Variants in TACC2 observed in about 807,000 individuals in gnomAD.
TACC2 encodes transforming acidic coiled-coil containing protein 2, also known as transforming acidic coiled-coil-containing protein 2.
Under a neutral mutation model 227.3 loss-of-function variants are expected in TACC2, and 137 were observed. The ratio of observed to expected loss-of-function variants is 0.60; its 90% CI spans 0.52 to 0.69. TACC2 has a LOEUF of 0.69. Among genes scored for constraint, TACC2 ranks in the 30% least tolerant of loss-of-function variants. The probability of loss-of-function intolerance (pLI) is 0.00; values close to 1 mark genes in which losing one functional copy is unlikely to be tolerated. For missense variants in TACC2, 3,470 were observed against 3,694.4 expected (o/e 0.94, Z 1.57); for synonymous variants, 1,523 against 1,487.5 (o/e 1.02, Z -0.55).
chr10:122,029,741 G>A (rs61144349), intron 2 of TACC2, among the ~76,000 whole-genome samples: 21 of 152,152 alleles, frequency 1.4e-4, no homozygotes, highest in East Asian at 1.9e-4. Context: ...TCGGGTGAGC[G>A]CCCTCAATGT....
chr10:122,020,539 G>T (rs1333780271), intron 1 of TACC2, among the ~76,000 whole-genome samples: 1 of 152,142 alleles, frequency 6.6e-6, no homozygotes, highest in African/African-American at 2.4e-5. Flanking sequence ...CGCAATCAGT[G>T]TTGCTTAAAT....
At position 122,018,157 on chromosome 10, in the gene TACC2, G is replaced by A. The variant is rs548549349; in HGVS notation, c.-45-3780G>A. On this transcript the variant is annotated intron_variant, in intron 1 of 22. Coordinates refer to ENST00000369005, the MANE Select transcript of TACC2 (RefSeq NM_206862.4). ...CCCCCAACAGGCCCTGGTGTATGTT[G>A]TTCCCCTCTCTGTGTCCATGTGTTC... is the stretch of plus-strand genomic sequence containing the variant. 2.0e-3 allele frequency among the ~76,000 whole-genome samples: 302 copies of A among 152,054 alleles called. 1 individual carries two copies. The highest frequency in any genetic ancestry group is 7.1e-3 in the African/African-American group (293 of 41,482).
chr10:122,016,301 G>A (rs1446144062), intron 1 of TACC2, among the ~76,000 whole-genome samples: 72 of 149,998 alleles, frequency 4.8e-4, no homozygotes, highest in Admixed American at 4.0e-4. Flanking sequence ...AGGCGCGGTG[G>A]CTCATGCCTA....
intron 1 of TACC2, among the ~76,000 whole-genome samples, chr10:122,006,892 G>A (rs1221264824): frequency 1.3e-4 from 10 of 77,604 alleles, no homozygotes; most frequent in Admixed American, 1.5e-4. Context: ...ATGGAATTTT[G>A]CCCTTGTTGC....
At chr10:122,075,191 A>C (rs79244330) in intron 3 of TACC2, among the ~76,000 whole-genome samples, 1 of 33,852 alleles carries the variant, frequency 3.0e-5, no homozygotes, top group Non-Finnish European at 1.1e-4. Context: ...TTGCTGCCAA[A>C]AAAAAAAAAA....
At chr10:122,017,903 C>A (rs1591093564) in intron 1 of TACC2, among the ~76,000 whole-genome samples, 1 of 139,830 alleles carries the variant, frequency 7.2e-6, no homozygotes, top group Non-Finnish European at 1.5e-5. Context: ...AAGAGGCAAA[C>A]AGTCTTGTCT....
At chr10:122,243,372 A>G (rs1042446882) in intron 19 of TACC2, among the ~76,000 whole-genome samples, 1 of 152,178 alleles carries the variant, frequency 6.6e-6, no homozygotes, top group African/African-American at 2.4e-5. Context: ...ATATGGATGT[A>G]TGAGTCACAT....
chr10:122,180,636 C>A lies in TACC2; in HGVS notation c.5835-14404C>A, dbSNP rs1310555593. Among the ~76,000 whole-genome samples, 1 of 152,144 alleles carries A rather than the reference C, an allele frequency of 6.6e-6. No homozygotes were observed. Among genetic ancestry groups the A allele is most frequent in the Non-Finnish European group, 1.5e-5 (1 of 68,030 alleles). On this transcript the variant is annotated intron_variant, in intron 7 of 22. Coordinates refer to ENST00000369005, the MANE Select transcript of TACC2 (RefSeq NM_206862.4). This position sits in a 1 kb window ranked among gnomAD's most constrained non-coding sequence, Gnocchi z 4.5. ...TACAGGCATGAGCCACCGCACCCGG[C>A]CTCTTCCCTCGAGTTCTAATGACTG...
intron 5 of TACC2, among the ~76,000 whole-genome samples, chr10:122,090,371 C>A (rs1591874729): frequency 6.6e-6 from 1 of 151,364 alleles, no homozygotes. Context: ...ACGGTGAAAC[C>A]CCGTCTGTAC....
intron 7 of TACC2, chr10:122,163,424 A>T: frequency 6.6e-6 from 2 of 303,130 alleles, no homozygotes; most frequent in Non-Finnish European, 9.7e-6. Context: ...AAGCTACACA[A>T]TGCGGGCGGT....
intron 2 of TACC2, among the ~76,000 whole-genome samples, chr10:122,031,316 G>C (rs570977147): frequency 1.3e-5 from 2 of 151,962 alleles, no homozygotes; most frequent in East Asian, 3.9e-4. Flanking sequence ...CCAGTGTCCA[G>C]GGAGGTGCCC....
chr10:122,218,445 G>T (rs911629170), intron 11 of TACC2, among the ~76,000 whole-genome samples: 1 of 152,130 alleles, frequency 6.6e-6, no homozygotes, highest in East Asian at 1.9e-4. Context: ...TCTTCTGGAC[G>T]CTCTTCCACA....
At chr10:122,222,236 A>G (rs1303968789) in intron 11 of TACC2, among the ~76,000 whole-genome samples, 5 of 152,236 alleles carry the variant, frequency 3.3e-5, no homozygotes, top group African/African-American at 9.6e-5. Flanking sequence ...TAGGATTTGA[A>G]GCAGATGAGT....
intron 7 of TACC2, among the ~76,000 whole-genome samples, chr10:122,171,959 G>T (rs537087723): frequency 6.6e-6 from 1 of 152,294 alleles, no homozygotes; most frequent in South Asian, 2.1e-4. Flanking sequence ...TCCAAGGAAG[G>T]TGGGTGTTTA....
At chr10:122,161,343 G>A (rs1336448669) in intron 7 of TACC2, among the ~76,000 whole-genome samples, 2 of 152,204 alleles carry the variant, frequency 1.3e-5, no homozygotes, top group African/African-American at 4.8e-5. Flanking sequence ...GGGATTCTAC[G>A]TAAAAGCACT....
chr10:121,998,185 G>T (rs191236725), intron 1 of TACC2, among the ~76,000 whole-genome samples: 1 of 151,944 alleles, frequency 6.6e-6, no homozygotes, highest in South Asian at 2.1e-4. Context: ...GGTGGCAGGC[G>T]CCTGTAGTCC....
intron 16 of TACC2, among the ~76,000 whole-genome samples, chr10:122,230,841 A>G (rs1034270117): frequency 6.6e-6 from 1 of 152,146 alleles, no homozygotes; most frequent in Non-Finnish European, 1.5e-5. Flanking sequence ...TTGAGCAAAC[A>G]TAATTTGCAA....
intron 2 of TACC2, among the ~76,000 whole-genome samples, chr10:122,029,264 T>C (rs1490750214): frequency 3.9e-5 from 6 of 151,978 alleles, no homozygotes; most frequent in Non-Finnish European, 8.8e-5. Context: ...TTTTGTCAGA[T>C]GCCGTCTCTG....
At position 122,086,692 on chromosome 10, in the gene TACC2, CA is replaced by C. The variant is rs1383160609; in HGVS notation, c.4195del (p.Ile1399SerfsTer54). 1 of 1,613,450 alleles carries C rather than the reference CA, an allele frequency of 6.2e-7. No individual in the cohort carries two copies. Among genetic ancestry groups the C allele is most frequent in the African/African-American group, 1.3e-5 (1 of 74,928 alleles). Reference sequence around the variant, plus strand: ...AGGTGGTGTGGACACAAGCTCTGAGCAAATCGCCACCCTCACTGGCTTCCCA... The same window carrying C: ...AGGTGGTGTGGACACAAGCTCTGAGCAATCGCCACCCTCACTGGCTTCCCA... ...TSGGVDTSSEQIATLTGFPDF... is the reference protein window; with the variant it reads ...TSGGVDTSSEXIATLTGFPDF... On this transcript the variant is annotated frameshift_variant, in exon 4 of 23. Coordinates refer to ENST00000369005, the MANE Select transcript of TACC2 (RefSeq NM_206862.4). LOFTEE classifies it high-confidence loss of function.
Sources: allele counts gnomAD v4.1 joint callset (sites outside exome capture counted in the v4.1 genomes callset), GRCh38; gene constraint gnomAD v4.1.1; non-coding constraint Gnocchi (gnomAD v3.1); transcripts MANE v1.5; gene names NCBI Gene and HGNC (gene_info 2026-07-23, HGNC 2026-07-21).